Variants in GABRB1 observed in about 807,000 individuals in gnomAD.
GABRB1 encodes gamma-aminobutyric acid receptor subunit beta-1.
In GABRB1, 17 loss-of-function variants were observed where a neutral mutation model predicts 51.6. The ratio of observed to expected loss-of-function variants is 0.33; its 90% confidence interval spans 0.23 to 0.49. The LOEUF (loss-of-function observed/expected upper bound fraction) is 0.49, where lower values mean the gene tolerates loss of function less well. GABRB1 is among the 20% of genes least tolerant of loss of function. The pLI, the probability that GABRB1 is intolerant of heterozygous loss-of-function variation, is 0.99. For synonymous variants in GABRB1, 247 were observed against 218.9 expected (o/e 1.13, Z -1.14); for missense variants, 410 against 600.6 (o/e 0.68, Z 3.32).
intron 3 of GABRB1, among the ~76,000 whole-genome samples, chr4:47,116,892 C>T (rs1339314377): frequency 1.3e-5 from 2 of 152,082 alleles, no homozygotes; most frequent in Non-Finnish European, 2.9e-5. Flanking sequence ...GGCACCTCTT[C>T]ACATGGTGGA....
chr4:47,338,799 G>C (rs553532427), intron 5 of GABRB1, among the ~76,000 whole-genome samples: 2 of 152,294 alleles, frequency 1.3e-5, no homozygotes, highest in South Asian at 4.1e-4. Flanking sequence ...TCCCAGGAAA[G>C]AAATATCCAC....
intron 2 of GABRB1, 76 bp from the exon 3 acceptor site, chr4:47,032,341 T>C (rs1349578356): frequency 7.6e-7 from 1 of 1,314,216 alleles, no homozygotes; most frequent in African/African-American, 1.5e-5. Flanking sequence ...GAGTAAGGGC[T>C]GGGAAGCCCC....
At chr4:47,130,410 T>C (rs532199653) in intron 3 of GABRB1, among the ~76,000 whole-genome samples, 2 of 151,120 alleles carry the variant, frequency 1.3e-5, no homozygotes, top group South Asian at 4.2e-4. Flanking sequence ...AAATACAATG[T>C]TCCTGGAAAA....
intron 8 of GABRB1, among the ~76,000 whole-genome samples, chr4:47,425,147 A>G (rs1729226065): frequency 6.6e-6 from 1 of 152,172 alleles, no homozygotes; most frequent in Non-Finnish European, 1.5e-5. Context: ...ACAGAGGAAT[A>G]TTTATTAACA....
chr4:47,268,868 C>A (rs972069951), intron 4 of GABRB1, among the ~76,000 whole-genome samples: 4 of 152,044 alleles, frequency 2.6e-5, no homozygotes, highest in Non-Finnish European at 4.4e-5. Flanking sequence ...TACATGTTAT[C>A]ATTTATTATT....
At position 47,240,370 on chromosome 4, in the gene GABRB1, A is replaced by G. The variant is rs879857523; in HGVS notation, c.461+78901A>G. Among the ~76,000 whole-genome samples the G allele has an allele frequency of 4.6e-5, 7 of 152,214 alleles. No homozygotes were observed. In the South Asian group the frequency reaches 8.3e-4, roughly 18 times the overall value. Reference sequence around the variant, plus strand: ...TATCAGCATACTTCTCTGAGAAACAAGAGCTGTGTTTCCAAATAGGCTGTA... The same window carrying G: ...TATCAGCATACTTCTCTGAGAAACAGGAGCTGTGTTTCCAAATAGGCTGTA... On this transcript the variant is annotated intron_variant, in intron 4 of 8. Transcript: ENST00000295454.
intron 4 of GABRB1, among the ~76,000 whole-genome samples, chr4:47,180,370 G>A (rs1458708474): frequency 6.6e-6 from 1 of 151,906 alleles, no homozygotes; most frequent in East Asian, 1.9e-4. Flanking sequence ...AATGTTATAT[G>A]CTTCAATGAG....
At chr4:47,241,857 G>A (rs573195644) in intron 4 of GABRB1, among the ~76,000 whole-genome samples, 2 of 151,618 alleles carry the variant, frequency 1.3e-5, no homozygotes, top group South Asian at 4.2e-4. Context: ...ATTCATTAAA[G>A]GTTTTTTTTA....
chr4:47,038,817 T>C (rs1003804385), intron 3 of GABRB1, among the ~76,000 whole-genome samples: 2 of 152,212 alleles, frequency 1.3e-5, no homozygotes, highest in Non-Finnish European at 2.9e-5. Flanking sequence ...TCCAGTTGGC[T>C]TAGGTTTCAG....
At chr4:47,142,305 T>C (rs563487851) in intron 3 of GABRB1, among the ~76,000 whole-genome samples, 4 of 152,002 alleles carry the variant, frequency 2.6e-5, no homozygotes, top group African/African-American at 9.6e-5. Context: ...AAAATATGTA[T>C]TTTGAAAGTC....
chr4:47,338,178 G>C (rs879324491), intron 5 of GABRB1, among the ~76,000 whole-genome samples: 2 of 152,080 alleles, frequency 1.3e-5, no homozygotes, highest in African/African-American at 2.4e-5. Context: ...TCAAATCAAA[G>C]CTCTCTTCTC....
intron 4 of GABRB1, among the ~76,000 whole-genome samples, chr4:47,267,565 C>T (rs1016211989): frequency 2.0e-5 from 3 of 152,026 alleles, no homozygotes; most frequent in African/African-American, 2.4e-5. Context: ...GAGGCCGAGG[C>T]AGGCGGATCA....
intron 3 of GABRB1, among the ~76,000 whole-genome samples, chr4:47,061,595 G>A (rs1726847396): frequency 6.6e-6 from 1 of 152,012 alleles, no homozygotes; most frequent in African/African-American, 2.4e-5. Flanking sequence ...ATGTTTTAAG[G>A]AATAAACTAA....
rs530822065 is a variant in GABRB1, at chr4:47,196,142, A to C, written c.461+34673A>C. On this transcript the variant is annotated intron_variant, in intron 4 of 8. Transcript: ENST00000295454. ...GAATTCACTGTGAAAAGCAAGGAAT[A>C]TGCATCTAGATAAGTGAGATGGTGA... 2.0e-5 allele frequency among the ~76,000 whole-genome samples: 3 copies of C among 152,374 alleles called. No individual in the cohort carries two copies. The East Asian group carries it at 5.8e-4, about 29-fold the overall frequency.
intron 4 of GABRB1, among the ~76,000 whole-genome samples, chr4:47,309,096 T>C (rs1465373003): frequency 1.3e-5 from 2 of 152,126 alleles, no homozygotes; most frequent in Admixed American, 1.3e-4. Context: ...ATTAAATGCA[T>C]ACTCTTACAC....
intron 3 of GABRB1, among the ~76,000 whole-genome samples, chr4:47,036,916 CT>C (rs932283129): frequency 3.2e-4 from 48 of 150,748 alleles, no homozygotes; most frequent in African/African-American, 8.3e-4. Flanking sequence ...AAGAAATGAA[CT>C]TTTTTTTTCC....
At chr4:47,384,649 A>T (rs1342293110) in intron 5 of GABRB1, among the ~76,000 whole-genome samples, 3 of 152,202 alleles carry the variant, frequency 2.0e-5, no homozygotes, top group Non-Finnish European at 4.4e-5. Context: ...TTTCAGGCCA[A>T]GAATAACACT....
At chr4:47,035,563 C>G (rs1320742133) in intron 3 of GABRB1, among the ~76,000 whole-genome samples, 1 of 152,088 alleles carries the variant, frequency 6.6e-6, no homozygotes, top group Non-Finnish European at 1.5e-5. Flanking sequence ...AAACTGTCAT[C>G]TTAAAAAACC....
chr4:47,203,490 A>G (rs1719976615), intron 4 of GABRB1, among the ~76,000 whole-genome samples: 1 of 152,146 alleles, frequency 6.6e-6, no homozygotes, highest in Non-Finnish European at 1.5e-5. Flanking sequence ...TATATCATAC[A>G]AAGAATGATA....
Sources: allele counts gnomAD v4.1 joint callset (sites outside exome capture counted in the v4.1 genomes callset), GRCh38; gene constraint gnomAD v4.1.1; transcripts MANE v1.5; gene names NCBI Gene and HGNC (gene_info 2026-07-23, HGNC 2026-07-21).